The following CNGB3 variants were observed in gnomAD, a reference collection of about 807,000 sequenced individuals.
CNGB3 encodes the protein cyclic nucleotide-gated channel beta-3.
Under a neutral mutation model 92.8 loss-of-function variants are expected in CNGB3, and 86 were observed. The observed-to-expected ratio is 0.93, with a 90% CI of 0.78 to 1.11. The LOEUF (loss-of-function observed/expected upper bound fraction) is 1.11. CNGB3 is among the 50% of genes least tolerant of loss of function. The pLI is 0.00. For synonymous variants in CNGB3, 333 were observed against 332.7 expected (o/e 1.00, Z -0.01); for missense variants, 1,026 against 956.8 (o/e 1.07, Z -0.95).
chr8:86,638,863 T>G (rs2131590608), intron 10 of CNGB3, among the ~76,000 whole-genome samples: 1 of 152,046 alleles, frequency 6.6e-6, no homozygotes, highest in Middle Eastern at 3.4e-3. Flanking sequence ...GTTTGTTTGT[T>G]TTTGTTATAT....
At chr8:86,677,773 C>G (rs1824003399) in intron 3 of CNGB3, among the ~76,000 whole-genome samples, 1 of 152,142 alleles carries the variant, frequency 6.6e-6, no homozygotes, top group Non-Finnish European at 1.5e-5. Flanking sequence ...TAAGAGTTCA[C>G]TGGTCATCTT....
At chr8:86,670,232 C>A (rs777884914) in intron 4 of CNGB3, among the ~76,000 whole-genome samples, 2 of 152,128 alleles carry the variant, frequency 1.3e-5, no homozygotes, top group African/African-American at 2.4e-5. Context: ...TTGTTGATGT[C>A]CTTTGCTCTC....
chr8:86,683,725 C>T (rs577054016), intron 3 of CNGB3, among the ~76,000 whole-genome samples: 84 of 152,110 alleles, frequency 5.5e-4, no homozygotes, highest in Admixed American at 1.2e-3. Context: ...GGTGCAAGAG[C>T]AATTCAAAGG....
At chr8:86,648,025 C>G in intron 7 of CNGB3, 138 bp from the exon 8 acceptor site, 1 of 707,548 alleles carries the variant, frequency 1.4e-6, no homozygotes, top group South Asian at 1.5e-5. Context: ...TTTCAATTAA[C>G]TATGCATGGG....
intron 13 of CNGB3, among the ~76,000 whole-genome samples, chr8:86,618,265 G>A (rs533619145): frequency 6.6e-6 from 1 of 152,316 alleles, no homozygotes; most frequent in East Asian, 1.9e-4. Flanking sequence ...GTTCCCAACA[G>A]GCCACCGACT....
chr8:86,644,029 T>A (rs888412856), intron 9 of CNGB3, among the ~76,000 whole-genome samples, 156 bp from the exon 10 acceptor site: 1 of 150,892 alleles, frequency 6.6e-6, no homozygotes, highest in Non-Finnish European at 1.5e-5. Context: ...ATGGTGCCAT[T>A]GCATGTTTTC....
chr8:86,582,385 C>A (rs536611974), intron 15 of CNGB3, among the ~76,000 whole-genome samples: 65 of 113,708 alleles, frequency 5.7e-4, no homozygotes, highest in African/African-American at 1.9e-3. Context: ...CAGAGGGAGA[C>A]CCTATCTCAA....
chr8:86,618,100 T>G (rs1822651857), intron 13 of CNGB3, among the ~76,000 whole-genome samples: 1 of 152,146 alleles, frequency 6.6e-6, no homozygotes, highest in Non-Finnish European at 1.5e-5. Flanking sequence ...GCATGCATAG[T>G]TCACAATAGG....
intron 3 of CNGB3, among the ~76,000 whole-genome samples, chr8:86,687,736 A>G (rs1461458060): frequency 1.3e-5 from 2 of 151,978 alleles, no homozygotes; most frequent in Admixed American, 6.6e-5. Context: ...ACCATTATTC[A>G]TCCACTCAAT....
chr8:86,687,731 T>C (rs1824217597), intron 3 of CNGB3, among the ~76,000 whole-genome samples: 1 of 151,976 alleles, frequency 6.6e-6, no homozygotes, highest in Non-Finnish European at 1.5e-5. Flanking sequence ...AATCCACCAT[T>C]ATTCATCCAC....
In CNGB3 at chr8:86,643,779, T is replaced by C. The variant is rs1823237462; in HGVS notation, c.1150A>G (p.Arg384Gly). The C allele has an allele frequency of 1.2e-6, 2 of 1,605,940 alleles. No homozygotes were observed. The highest frequency in any genetic ancestry group is 2.7e-5 in the African/African-American group (2 of 73,744). ...TTTCCTTCCCCATCATACACCCATC[T>C]AGTAGTGCCAATTCCTTCATAGTTT... ...ASNYEGIGTT[R>G]WVYDGEGNEY... Residue 384 changes from arginine to glycine, a missense_variant, in exon 10 of 18, where the codon AGA (arginine) becomes GGA (glycine). Coordinates refer to ENST00000320005, the MANE Select transcript of CNGB3 (RefSeq NM_019098.5).
intron 13 of CNGB3, among the ~76,000 whole-genome samples, 161 bp from the exon 14 acceptor site, chr8:86,611,832 A>G (rs538920781): frequency 6.6e-6 from 1 of 152,224 alleles, no homozygotes; most frequent in African/African-American, 2.4e-5. Context: ...AAAATTTAGA[A>G]AAAAAATACC....
chr8:86,610,739 C>T (rs1262886876), intron 14 of CNGB3, among the ~76,000 whole-genome samples: 1 of 152,158 alleles, frequency 6.6e-6, no homozygotes, highest in African/African-American at 2.4e-5. Context: ...TTGGTTGAGT[C>T]TGTCATGATA....
At chr8:86,584,306 G>C (rs1248941977) in intron 15 of CNGB3, among the ~76,000 whole-genome samples, 1 of 152,168 alleles carries the variant, frequency 6.6e-6, no homozygotes, top group Admixed American at 6.6e-5. Context: ...CATGGACACA[G>C]GGTAATCCTG....
At chr8:86,671,132 C>T in intron 3 of CNGB3, 34 bp from the exon 4 acceptor site, 6 of 1,609,112 alleles carry the variant, frequency 3.7e-6, no homozygotes, top group Non-Finnish European at 5.1e-6. Context: ...TAGAGATGGG[C>T]CCATGAAGAA....
intron 10 of CNGB3, among the ~76,000 whole-genome samples, chr8:86,637,594 A>T (rs956844279): frequency 1.3e-5 from 2 of 152,108 alleles, no homozygotes; most frequent in African/African-American, 4.8e-5. Flanking sequence ...TTGAATACAG[A>T]TGTCTTTCAA....
chr8:86,601,268 T>C (rs1045385306), intron 15 of CNGB3, among the ~76,000 whole-genome samples: 3 of 152,182 alleles, frequency 2.0e-5, no homozygotes, highest in Admixed American at 1.3e-4. Flanking sequence ...AGTGGTTAAA[T>C]ACATTCAGTG....
chr8:86,636,010 T>C (rs890049046), intron 10 of CNGB3, among the ~76,000 whole-genome samples: 1 of 150,250 alleles, frequency 6.7e-6, no homozygotes, highest in Non-Finnish European at 1.5e-5. Context: ...TTATGAAACA[T>C]TTTAAACAAA....
chr8:86,688,909 T>C (rs1247695649), intron 3 of CNGB3, among the ~76,000 whole-genome samples: 1 of 152,050 alleles, frequency 6.6e-6, no homozygotes, highest in Non-Finnish European at 1.5e-5. Flanking sequence ...TTTTCTACTT[T>C]TTTAGGTAGG....
Sources: gnomAD v4.1 joint callset for allele counts (sites outside exome capture counted in the v4.1 genomes callset) on GRCh38, gnomAD v4.1.1 for gene constraint, MANE v1.5 for transcripts, NCBI Gene and HGNC (gene_info 2026-07-23, HGNC 2026-07-21) for gene names.